Variants in ASB3 observed in about 807,000 individuals in gnomAD.
ASB3 encodes ankyrin repeat and SOCS box protein 3.
A neutral mutation model predicts 54.5 loss-of-function variants in ASB3; 41 were observed. The observed-to-expected ratio is 0.75, with a 90% CI of 0.59 to 0.98. The LOEUF (loss-of-function observed/expected upper bound fraction) is 0.98. Ranked by LOEUF, ASB3 falls within the 50% of genes least tolerant of loss-of-function variation. The pLI is 0.00. For synonymous variants in ASB3, 266 were observed against 221.2 expected, an observed-to-expected ratio of 1.20 and a Z score of -1.80; for missense variants, 733 against 620.0, an observed-to-expected ratio of 1.18 and a Z score of -1.94.
At chr2:53,697,348 A>G (rs1454030517) in intron 8 of ASB3, among the ~76,000 whole-genome samples, 4 of 152,206 alleles carry the variant, frequency 2.6e-5, no homozygotes, top group Non-Finnish European at 5.9e-5. Context: ...AGAAGTAACA[A>G]TAAGTATAAG....
intron 9 of ASB3, among the ~76,000 whole-genome samples, chr2:53,680,424 T>A (rs74663879): frequency 0.01 from 1,558 of 152,358 alleles, 31 homozygotes; most frequent in African/African-American, 0.036. Context: ...TACCTTTTAG[T>A]AATAACCATT....
At chr2:53,763,342 GAGCA>G (rs1402954055) in intron 2 of ASB3, 3 of 159,938 alleles carry the variant, frequency 1.9e-5, no homozygotes. Flanking sequence ...CTGGGCAACA[GAGCA>G]AGACTCTGTC....
chr2:53,700,537 T>TA lies in ASB3; in HGVS notation c.981-10dup. The TA allele has an allele frequency of 6.3e-7, 1 of 1,578,334 alleles. No homozygotes were observed. On this transcript the variant is annotated splice_polypyrimidine_tract_variant and intron_variant, in intron 7 of 9. Transcript: ENST00000263634. ...TTCCAAAGAACTCACAGCTCCACCA[T>TA]AAAAAATAAAAACAAAAAAAGAAGA...
chr2:53,708,180 C>T (rs762340874), intron 7 of ASB3, among the ~76,000 whole-genome samples: 14 of 151,930 alleles, frequency 9.2e-5, no homozygotes, highest in African/African-American at 2.2e-4. Context: ...CCATCCCCCT[C>T]GGTAGTGTCC....
At chr2:53,782,395 T>C (rs551904978) in intron 1 of ASB3, among the ~76,000 whole-genome samples, 1 of 152,178 alleles carries the variant, frequency 6.6e-6, no homozygotes, top group African/African-American at 2.4e-5. Flanking sequence ...GCTATAGCAA[T>C]GTAGAAGACA....
At chr2:53,773,384 G>C (rs1456398288) in intron 1 of ASB3, among the ~76,000 whole-genome samples, 1 of 152,004 alleles carries the variant, frequency 6.6e-6, no homozygotes, top group African/African-American at 2.4e-5. Flanking sequence ...TTATTGTTTA[G>C]TATGTTCTTC....
intron 1 of ASB3, among the ~76,000 whole-genome samples, chr2:53,776,608 G>A (rs1440893769): frequency 6.6e-6 from 1 of 152,130 alleles, no homozygotes; most frequent in Non-Finnish European, 1.5e-5. Flanking sequence ...ATCACTTCAG[G>A]TTAGGAGCTA....
intron 1 of ASB3, among the ~76,000 whole-genome samples, chr2:53,771,402 A>C (rs527717913): frequency 6.6e-6 from 1 of 152,114 alleles, no homozygotes; most frequent in South Asian, 2.1e-4. Context: ...AATCCCAACT[A>C]CTCAGGAGGC....
intron 2 of ASB3, among the ~76,000 whole-genome samples, chr2:53,765,153 A>C (rs544243964): frequency 3.9e-5 from 6 of 152,354 alleles, no homozygotes; most frequent in African/African-American, 1.4e-4. Context: ...CAATAAAAAG[A>C]GGCCAGACAG....
At position 53,743,740 on chromosome 2, in the gene ASB3, T is replaced by C. The variant is rs1215846552; in HGVS notation, c.355+7043A>G. On this transcript the variant is annotated intron_variant, in intron 3 of 9. Coordinates refer to ENST00000263634, the MANE Select transcript of ASB3 (RefSeq NM_016115.5). ...ATAATAAGTATCCTAGTTTCATAAT[T>C]GCTTACATTAAAGAATTAAAAGCCA... Among the ~76,000 whole-genome samples the C allele has an allele frequency of 2.6e-5, 4 of 152,214 alleles. No homozygotes were observed. The East Asian group carries it at 7.7e-4, about 29-fold the overall frequency.
At chr2:53,700,249 C>A (rs368444500) in intron 8 of ASB3, 22 bp downstream of exon 8, 25 of 1,604,040 alleles carry the variant, frequency 1.6e-5, no homozygotes, top group Non-Finnish European at 2.0e-5. Context: ...AGGGTAAGCC[C>A]GACTATGGTA....
At chr2:53,693,808 C>A in intron 9 of ASB3, 76 bp downstream of exon 9, 1 of 1,541,290 alleles carries the variant, frequency 6.5e-7, no homozygotes, top group South Asian at 1.3e-5. Flanking sequence ...AATCTTATCA[C>A]TTAAAATTAC....
chr2:53,691,857 C>A (rs1166940055), intron 9 of ASB3, among the ~76,000 whole-genome samples: 1 of 152,096 alleles, frequency 6.6e-6, no homozygotes, highest in Non-Finnish European at 1.5e-5. Flanking sequence ...CCAAAGAATA[C>A]CCTGAGAGAC....
Position 53,722,985 on chromosome 2 carries a change from A to C in ASB3, c.604+5727T>G, listed in dbSNP as rs368282480. On this transcript the variant is annotated intron_variant, in intron 5 of 9. Transcript: ENST00000263634. Reference sequence around the variant, plus strand: ...GCTCCTGAAGCTGATAAACAACTTCAGTAAAATTTCAGGTTACAAAATCAA... The same window carrying C: ...GCTCCTGAAGCTGATAAACAACTTCCGTAAAATTTCAGGTTACAAAATCAA... Among the ~76,000 whole-genome samples the C allele has an allele frequency of 2.1e-4, 32 of 152,334 alleles. No individual in the cohort carries two copies. The South Asian group carries it at 6.4e-3, about 31-fold the overall frequency.
At chr2:53,745,759 CA>C (rs1402108098) in intron 3 of ASB3, among the ~76,000 whole-genome samples, 1 of 151,976 alleles carries the variant, frequency 6.6e-6, no homozygotes, top group Non-Finnish European at 1.5e-5. Context: ...GGGAGAGAAA[CA>C]AAATACCTCA....
chr2:53,780,316 CT>C (rs988450213), intron 1 of ASB3, among the ~76,000 whole-genome samples: 21 of 152,128 alleles, frequency 1.4e-4, no homozygotes, highest in African/African-American at 4.8e-4. Context: ...CCTCCTCATT[CT>C]TTAAGACCTA....
chr2:53,682,805 C>A (rs1668446799), intron 9 of ASB3, among the ~76,000 whole-genome samples: 1 of 152,082 alleles, frequency 6.6e-6, no homozygotes, highest in Non-Finnish European at 1.5e-5. Flanking sequence ...ATAAATGCGC[C>A]AATTTTTGTA....
At chr2:53,694,825 A>C (rs1261172128) in intron 8 of ASB3, among the ~76,000 whole-genome samples, 4 of 152,220 alleles carry the variant, frequency 2.6e-5, no homozygotes, top group Non-Finnish European at 4.4e-5. Context: ...AGGGAACTAT[A>C]TGTGAAAATA....
rs528509644 is a variant in ASB3, at chr2:53,724,408, C to T, written c.604+4304G>A. Among the ~76,000 whole-genome samples the T allele has an allele frequency of 5.3e-5, 8 of 152,146 alleles. No homozygotes were observed. In the East Asian group the frequency reaches 1.5e-3, roughly 29 times the overall value. Reference sequence around the variant, plus strand: ...GGTGAGGAGATCAAGACCATCCTGGCTAACACGGTGAAAACCCCATCTCTA... The same window carrying T: ...GGTGAGGAGATCAAGACCATCCTGGTTAACACGGTGAAAACCCCATCTCTA... On this transcript the variant is annotated intron_variant, in intron 5 of 9. Coordinates refer to ENST00000263634, the MANE Select transcript of ASB3 (RefSeq NM_016115.5).
Sources: allele counts gnomAD v4.1 joint callset (sites outside exome capture counted in the v4.1 genomes callset), GRCh38; gene constraint gnomAD v4.1.1; transcripts MANE v1.5; gene names NCBI Gene and HGNC (gene_info 2026-07-23, HGNC 2026-07-21).